PLOD3: variants seen among roughly 807,000 people sequenced by gnomAD.
PLOD3 encodes the protein procollagen-lysine,2-oxoglutarate 5-dioxygenase 3, also known as multifunctional procollagen lysine hydroxylase and glycosyltransferase LH3.
PLOD3 carries 73 observed loss-of-function variants against 96.9 expected under a neutral mutation model. The observed-to-expected ratio is 0.75, with a 90% CI of 0.62 to 0.92. The LOEUF is 0.92. Among genes scored for constraint, PLOD3 ranks in the 40% least tolerant of loss-of-function variants. PLOD3 has a pLI of 0.00. For synonymous variants in PLOD3, 454 were observed against 413.7 expected, an observed-to-expected ratio of 1.10 and a Z score of -1.18; for missense variants, 1,004 against 1,004.3, an observed-to-expected ratio of 1.00 and a Z score of 0.00.
At chr7:101,209,974 A>G in intron 15 of PLOD3, 119 bp downstream of exon 15, 5 of 621,918 alleles carry the variant, frequency 8.0e-6, no homozygotes, top group South Asian at 3.9e-5. Flanking sequence ...ATCTTGTCTG[A>G]ACAGAAAACC....
chr7:101,206,455 G>A lies in PLOD3; in HGVS notation c.2062-19C>T, dbSNP rs200565990. On this transcript the variant is annotated intron_variant, in intron 18 of 18. Transcript: ENST00000223127. ...CACCTCCCTGGAAAGAGAAGGGAAA[G>A]GAAACATGGAGTGAGCAGACGTGGG... 2.7e-5 allele frequency: 42 copies of A among 1,579,084 alleles called. No individual in the cohort carries two copies. Among genetic ancestry groups the A allele is most frequent in the African/African-American group, 2.4e-4 (18 of 74,142 alleles).
chr7:101,210,711 C>T (rs764125946), intron 12 of PLOD3, 38 bp from the exon 13 acceptor site: 16 of 1,610,844 alleles, frequency 9.9e-6, no homozygotes, highest in Non-Finnish European at 1.2e-5. Flanking sequence ...GGGAGGACAG[C>T]CCCCCAAATT....
chr7:101,214,518 C>A (rs1381327243), intron 6 of PLOD3, among the ~76,000 whole-genome samples: 1 of 152,160 alleles, frequency 6.6e-6, no homozygotes, highest in Non-Finnish European at 1.5e-5. Flanking sequence ...GAAGGATAAC[C>A]AGGGACCTTC....
chr7:101,215,029 C>T (rs1450785035), intron 6 of PLOD3, 60 bp downstream of exon 6: 2 of 1,299,382 alleles, frequency 1.5e-6, no homozygotes, highest in African/African-American at 1.5e-5. Context: ...CCTCTCCCAG[C>T]TCAAGACCCC....
At chr7:101,209,831 G>A in intron 15 of PLOD3, 1 of 420,126 alleles carries the variant, frequency 2.4e-6, no homozygotes, top group Non-Finnish European at 4.2e-6. Flanking sequence ...ATGAGCCACT[G>A]AGCCCAGCCC....
chr7:101,212,387 G>A lies in PLOD3; in HGVS notation c.1006-13C>T. Reference sequence around the variant, plus strand: ...CATGGAAGACCTCCTGGGAGGGGAAGACATAGGGGGATGGGCTCAGAGGGC... The same window carrying A: ...CATGGAAGACCTCCTGGGAGGGGAAAACATAGGGGGATGGGCTCAGAGGGC... On this transcript the variant is annotated splice_polypyrimidine_tract_variant and intron_variant, in intron 9 of 18. Coordinates refer to ENST00000223127, the MANE Select transcript of PLOD3 (RefSeq NM_001084.5). The A allele has an allele frequency of 6.2e-7, 1 of 1,612,966 alleles. No homozygotes were observed. The highest frequency in any genetic ancestry group is 8.5e-7 in the Non-Finnish European group (1 of 1,179,540).
At chr7:101,206,748 A>C (rs1340955084) in intron 18 of PLOD3, 31 bp downstream of exon 18, 14 of 1,570,984 alleles carry the variant, frequency 8.9e-6, no homozygotes, top group Non-Finnish European at 1.2e-5. Context: ...CCTGAGGTGA[A>C]GCGTGGGTGG....
rs554420936 is a variant in PLOD3, at chr7:101,212,348, A to G, written c.1032T>C (p.Ala344=). The G allele has an allele frequency of 6.2e-7, 1 of 1,613,762 alleles. No homozygotes were observed. Among genetic ancestry groups the G allele is most frequent in the East Asian group, 2.2e-5 (1 of 44,868 alleles). The change falls in exon 10 of 19, where the codon GCT becomes GCC. Residue 344 remains alanine (A), a synonymous_variant. Transcript: ENST00000223127. The part of the protein sequence containing the change: ...NNEVFHEPHI[A]DSWPQLQDHF... ...GGTCCTGGAGCTGCGGCCAGGAGTC[A>G]GCGATGTGGGGTTCATGGAAGACCT...
rs1190602016 is a variant in PLOD3 at position 101,207,653 on chromosome 7, C to T, written c.1860G>A (p.Glu620=). 1.9e-6 allele frequency: 3 copies of T among 1,613,894 alleles called. No homozygotes were observed. In the African/African-American group the frequency reaches 4.0e-5, roughly 22 times the overall value. ...VDIHMKQVGY[E]DQWLQLLRTY... is the part of the protein sequence containing the mutation. ...TCCGCAGCAGCTGCAGCCACTGGTC[C>T]TCGTACCCCACCTGCTTCATGTGGA... Residue 620 remains glutamate, a synonymous_variant, in exon 17 of 19, where the codon GAG becomes GAA. Transcript: ENST00000223127.
rs1327015352 is a variant in PLOD3, at chr7:101,216,701, A to G, written c.195T>C (p.Thr65=). 2 of 1,613,446 alleles carry G rather than the reference A, an allele frequency of 1.2e-6. No homozygotes were observed. Among genetic ancestry groups the G allele is most frequent in the Admixed American group, 1.7e-5 (1 of 59,992 alleles). The change falls in exon 2 of 19, where the codon ACT becomes ACC. Residue 65 remains threonine (T), a synonymous_variant. Coordinates refer to ENST00000223127, the MANE Select transcript of PLOD3 (RefSeq NM_001084.5). ...FLRSAEFFNY[T]VRTLGLGEEW... Reference sequence around the variant, plus strand: ...GGCCTTTCCCTCTCCTCACCCGCACAGTGTAGTTGAAGAACTCCGCAGAGC... The same window carrying G: ...GGCCTTTCCCTCTCCTCACCCGCACGGTGTAGTTGAAGAACTCCGCAGAGC...
In PLOD3 at chr7:101,207,627, G is replaced by T; in HGVS notation, c.1886C>A (p.Thr629Lys). 6.2e-7 allele frequency: 1 copy of T among 1,614,034 alleles called. No homozygotes were observed. The highest frequency in any genetic ancestry group is 8.5e-7 in the Non-Finnish European group (1 of 1,179,974). ...GCTCTCGGTCATGGGGCCCACATAC[G>T]TCCGCAGCAGCTGCAGCCACTGGTC... The part of the protein sequence containing the change: ...YEDQWLQLLR[T>K]YVGPMTESLF... Residue 629 changes from threonine to lysine, a missense_variant, in exon 17 of 19, where the codon ACG becomes AAG. Thr to Lys is a moderately conservative substitution (Grantham distance 78, BLOSUM62 -1). Coordinates refer to ENST00000223127, the MANE Select transcript of PLOD3 (RefSeq NM_001084.5).
chr7:101,209,044 G>A, intron 15 of PLOD3, 87 bp from the exon 16 acceptor site: 1 of 962,930 alleles, frequency 1.0e-6, no homozygotes, highest in Non-Finnish European at 1.7e-6. Context: ...GAAGGGGCAG[G>A]GAGGAGCAGG....
At position 101,212,266 on chromosome 7, in the gene PLOD3, T is replaced by C; in HGVS notation, c.1114A>G (p.Arg372Gly). ...GCACCCGCTCACATGGCCATGTCCC[T>C]GGCCTCGCCTGGGCTCAGAGCCTCC... is the stretch of plus-strand genomic sequence containing the variant. ...PEEALSPGEA[R>G]DMAMDLCRQD... Residue 372 changes from arginine (R) to glycine (G), a missense_variant, in exon 10 of 19, where the codon AGG becomes GGG. Arg to Gly is a moderately radical substitution (Grantham distance 125). This residue lies in a region of PLOD3 where 690 missense variants were observed against 650.2 expected (regional missense o/e 1.06). Transcript: ENST00000223127. The C allele has an allele frequency of 1.9e-6, 3 of 1,613,114 alleles. No individual in the cohort carries two copies. The highest frequency in any genetic ancestry group is 1.8e-4 in the Middle Eastern group (1 of 5,490).
At chr7:101,207,478 GC>G in intron 17 of PLOD3, 99 bp downstream of exon 17, 1 of 1,280,178 alleles carries the variant, frequency 7.8e-7, no homozygotes, top group Non-Finnish European at 1.1e-6. Context: ...AATGCATGGA[GC>G]CCAAATGCTG....
chr7:101,210,282 A>G (rs553020727), intron 14 of PLOD3, 49 bp downstream of exon 14: 1 of 1,549,980 alleles, frequency 6.5e-7, no homozygotes, highest in African/African-American at 1.4e-5. Context: ...TGTCTTCCTT[A>G]GCACAAGGCG....
In PLOD3 at chr7:101,217,432, G is replaced by GT; in HGVS notation, c.-159dup. ...TGGGGCTACGCCCTGAAAAAAAGGC[G>GT]TATCCGGAGGCTACAGAAAGCTCCA... On this transcript the variant is annotated 5_prime_UTR_variant, in exon 1 of 19. The change abolishes the stop of an existing upstream ORF in the 5' untranslated region. Coordinates refer to ENST00000223127, the MANE Select transcript of PLOD3 (RefSeq NM_001084.5). The GT allele has an allele frequency of 1.6e-6, 1 of 636,608 alleles. No individual in the cohort carries two copies. The highest frequency in any genetic ancestry group is 2.4e-6 in the Non-Finnish European group (1 of 419,358). 39.4% of individuals were successfully genotyped at this position (636,608 alleles called of 1,614,324 possible). A position where few individuals can be genotyped will look rare whatever the true frequency, so the allele number is the denominator to read the frequency against.
chr7:101,210,866 G>A (rs1023711711), intron 12 of PLOD3, 193 bp from the exon 13 acceptor site: 2 of 606,736 alleles, frequency 3.3e-6, no homozygotes, highest in Non-Finnish European at 5.8e-6. Flanking sequence ...CCAAGCTGTG[G>A]CACTTCTTTT....
chr7:101,213,455 G>A, intron 6 of PLOD3: 1 of 555,980 alleles, frequency 1.8e-6, no homozygotes, highest in Non-Finnish European at 3.2e-6. Context: ...TGAGCGGGAG[G>A]CCAGTAGGAG....
chr7:101,214,018 A>G (rs1321878640), intron 6 of PLOD3, among the ~76,000 whole-genome samples: 1 of 151,972 alleles, frequency 6.6e-6, no homozygotes, highest in Non-Finnish European at 1.5e-5. Flanking sequence ...TATATTTAGT[A>G]GAGACTGGGT....
Sources: allele counts gnomAD v4.1 joint callset (sites outside exome capture counted in the v4.1 genomes callset), GRCh38; gene constraint gnomAD v4.1.1; regional missense constraint gnomAD v4.1.1; transcripts MANE v1.5; gene names NCBI Gene and HGNC (gene_info 2026-07-23, HGNC 2026-07-21).